Variants in ANKIB1 observed in about 807,000 individuals in gnomAD.
ANKIB1 encodes the protein ankyrin repeat and IBR domain containing 1.
A neutral mutation model predicts 122.1 loss-of-function variants in ANKIB1; 43 were observed. That is an observed-to-expected ratio of 0.35 (90% CI 0.28 to 0.45). ANKIB1 has a LOEUF of 0.45. ANKIB1 is among the 20% of genes least tolerant of loss of function. The probability of loss-of-function intolerance (pLI) is 1.00; values close to 1 mark genes in which losing one functional copy is unlikely to be tolerated. For missense variants in ANKIB1, 992 were observed against 1,329.5 expected (o/e 0.75, Z 3.95); for synonymous variants, 390 against 442.0 (o/e 0.88, Z 1.48).
intron 1 of ANKIB1, among the ~76,000 whole-genome samples, chr7:92,289,057 A>C (rs190560212): frequency 6.6e-6 from 1 of 152,320 alleles, no homozygotes; most frequent in East Asian, 1.9e-4. Context: ...TTTAAAGCCT[A>C]TATATGAATG....
At chr7:92,275,537 G>A (rs959257080) in intron 1 of ANKIB1, among the ~76,000 whole-genome samples, 9 of 152,144 alleles carry the variant, frequency 5.9e-5, no homozygotes, top group African/African-American at 1.9e-4. Flanking sequence ...ATTGCGAAAT[G>A]TGAGGGACGG....
chr7:92,396,412 A>G lies in ANKIB1; in HGVS notation c.2331A>G (p.Arg777=), dbSNP rs371452332. The part of the protein sequence containing the change: ...QYRRRHRQRR[R]GDVHSLLSNP... The stretch of plus-strand genomic sequence containing the variant: ...GGAGGAGGCACAGACAACGTCGTCG[A>G]GGAGATGTTCACAGTCTACTCAGTA... Residue 777 remains arginine (R), a synonymous_variant, in exon 18 of 20, where the codon CGA becomes CGG. Coordinates refer to ENST00000265742, the MANE Select transcript of ANKIB1 (RefSeq NM_019004.2). 794 of 1,599,348 alleles carry G rather than the reference A, an allele frequency of 5.0e-4. 3 individuals are homozygous for G. The African/African-American group carries it at 9.4e-3, about 19-fold the overall frequency.
chr7:92,376,745 G>A (rs1040208223), intron 11 of ANKIB1, among the ~76,000 whole-genome samples: 9 of 152,044 alleles, frequency 5.9e-5, no homozygotes, highest in Admixed American at 3.9e-4. Flanking sequence ...CACCGTGCCC[G>A]GCCTACCTTG....
intron 2 of ANKIB1, among the ~76,000 whole-genome samples, chr7:92,299,435 A>G (rs1057502035): frequency 2.6e-5 from 4 of 152,228 alleles, no homozygotes; most frequent in Non-Finnish European, 4.4e-5. Context: ...TTCAAATACT[A>G]CACTGCAACT....
chr7:92,256,702 C>T (rs931716217), intron 1 of ANKIB1, among the ~76,000 whole-genome samples: 2 of 152,176 alleles, frequency 1.3e-5, no homozygotes, highest in African/African-American at 4.8e-5. Flanking sequence ...CACTGCTTCC[C>T]ATGGCACTTA....
intron 5 of ANKIB1, among the ~76,000 whole-genome samples, chr7:92,338,633 C>T (rs956118123): frequency 1.4e-4 from 21 of 151,308 alleles, no homozygotes; most frequent in African/African-American, 4.4e-4. Context: ...GTGACTTGGC[C>T]GGGTGTGGTG....
intron 1 of ANKIB1, among the ~76,000 whole-genome samples, chr7:92,265,551 A>G (rs955789073): frequency 1.3e-5 from 2 of 152,236 alleles, no homozygotes; most frequent in Non-Finnish European, 2.9e-5. Context: ...AGCAAAACAT[A>G]ACTATTGTCT....
intron 1 of ANKIB1, among the ~76,000 whole-genome samples, chr7:92,260,275 GA>G (rs1801537333): frequency 6.6e-6 from 1 of 151,952 alleles, no homozygotes; most frequent in African/African-American, 2.4e-5. Flanking sequence ...TTTGTTCCTC[GA>G]ACACACAGGG....
At chr7:92,303,033 A>C (rs1289427113) in intron 2 of ANKIB1, among the ~76,000 whole-genome samples, 1 of 134,948 alleles carries the variant, frequency 7.4e-6, no homozygotes, top group African/African-American at 2.6e-5. Context: ...TCTGGGAGAA[A>C]AGACAGTTAG....
intron 5 of ANKIB1, among the ~76,000 whole-genome samples, chr7:92,332,285 C>T (rs1234064324): frequency 6.6e-6 from 1 of 152,156 alleles, no homozygotes; most frequent in Non-Finnish European, 1.5e-5. Flanking sequence ...ACTATAATTG[C>T]TCTTAAAGCC....
chr7:92,285,906 C>G (rs1001498392), intron 1 of ANKIB1, among the ~76,000 whole-genome samples: 1 of 152,204 alleles, frequency 6.6e-6, no homozygotes, highest in Non-Finnish European at 1.5e-5. Flanking sequence ...TTCAAGCAAA[C>G]TCATTGTGCT....
intron 3 of ANKIB1, among the ~76,000 whole-genome samples, chr7:92,313,309 G>A (rs550714864): frequency 4.1e-4 from 62 of 152,128 alleles, no homozygotes; most frequent in African/African-American, 9.9e-4. Flanking sequence ...CTATGGGAGC[G>A]TTTCACACTT....
At chr7:92,332,974 A>G (rs754841514) in intron 5 of ANKIB1, among the ~76,000 whole-genome samples, 3 of 152,168 alleles carry the variant, frequency 2.0e-5, no homozygotes, top group Non-Finnish European at 4.4e-5. Context: ...AACTCCATAG[A>G]TGGCAGCACC....
At chr7:92,258,469 T>G (rs1801494533) in intron 1 of ANKIB1, among the ~76,000 whole-genome samples, 1 of 152,080 alleles carries the variant, frequency 6.6e-6, no homozygotes, top group Non-Finnish European at 1.5e-5. Context: ...GATCTGAGAG[T>G]GTTCATTTCT....
intron 1 of ANKIB1, among the ~76,000 whole-genome samples, chr7:92,275,611 C>G (rs1293095797): frequency 6.6e-6 from 1 of 152,056 alleles, no homozygotes; most frequent in South Asian, 2.1e-4. Flanking sequence ...GTGTATTAAC[C>G]TGGAAAAACT....
At chr7:92,292,699 A>C (rs1802275464) in intron 1 of ANKIB1, among the ~76,000 whole-genome samples, 1 of 152,212 alleles carries the variant, frequency 6.6e-6, no homozygotes, top group Non-Finnish European at 1.5e-5. Context: ...TTTAGGCTAA[A>C]GGTTTAGCAA....
chr7:92,378,940 T>C (rs1449304642), intron 11 of ANKIB1, among the ~76,000 whole-genome samples: 1 of 152,236 alleles, frequency 6.6e-6, no homozygotes, highest in Non-Finnish European at 1.5e-5. Flanking sequence ...AGGCCTCATT[T>C]ATCTGGAAAC....
At chr7:92,252,683 GC>G (rs1801352097) in intron 1 of ANKIB1, among the ~76,000 whole-genome samples, 1 of 151,970 alleles carries the variant, frequency 6.6e-6, no homozygotes, top group African/African-American at 2.4e-5. Flanking sequence ...TATTTATTTT[GC>G]TTTTTAAGGT....
intron 2 of ANKIB1, among the ~76,000 whole-genome samples, chr7:92,302,288 C>T (rs549830734): frequency 1.2e-4 from 19 of 152,274 alleles, no homozygotes; most frequent in East Asian, 5.8e-4. Flanking sequence ...TTCCTAGTCA[C>T]GGACCTTTTA....
Sources: gnomAD v4.1 joint callset for allele counts (sites outside exome capture counted in the v4.1 genomes callset) on GRCh38, gnomAD v4.1.1 for gene constraint, MANE v1.5 for transcripts, NCBI Gene and HGNC (gene_info 2026-07-23, HGNC 2026-07-21) for gene names.